MBNL1: variants seen among roughly 807,000 people sequenced by gnomAD.
The protein encoded by MBNL1 is muscleblind like splicing regulator 1.
In MBNL1, 8 loss-of-function variants were observed where a neutral mutation model predicts 42.2. The ratio of observed to expected loss-of-function variants is 0.19; its 90% CI spans 0.11 to 0.34. The LOEUF is 0.34. MBNL1 is among the 10% of genes least tolerant of loss of function. The pLI is 1.00. For synonymous variants in MBNL1, 169 were observed against 173.9 expected (o/e 0.97, Z 0.22); for missense variants, 309 against 495.3 (o/e 0.62, Z 3.57).
At chr3:152,361,664 G>C (rs1008661126) in intron 2 of MBNL1, among the ~76,000 whole-genome samples, 23 of 152,044 alleles carry the variant, frequency 1.5e-4, no homozygotes, top group Admixed American at 1.5e-3. Flanking sequence ...GAATGATTCA[G>C]ATGGATAATG....
intron 1 of MBNL1, among the ~76,000 whole-genome samples, chr3:152,274,270 ATAT>A (rs1244621357): frequency 6.6e-6 from 1 of 152,212 alleles, no homozygotes; most frequent in Non-Finnish European, 1.5e-5. Flanking sequence ...CTGACTTGAA[ATAT>A]TATTCTATCA....
At chr3:152,269,534 C>G (rs1181324054) in intron 1 of MBNL1, 1 of 455,496 alleles carries the variant, frequency 2.2e-6, no homozygotes, top group Non-Finnish European at 4.4e-6. Flanking sequence ...GCCATCCCGC[C>G]CGGTTTTCAT....
intron 2 of MBNL1, among the ~76,000 whole-genome samples, chr3:152,377,438 C>CCACT: frequency 6.6e-6 from 1 of 152,236 alleles, no homozygotes; most frequent in South Asian, 2.1e-4. Flanking sequence ...CAGCCATAGA[C>CCACT]CGTTAGTAAA....
intron 2 of MBNL1, among the ~76,000 whole-genome samples, chr3:152,257,487 A>G (rs2035613005): frequency 6.6e-6 from 1 of 151,934 alleles, no homozygotes; most frequent in African/African-American, 2.4e-5. Flanking sequence ...TTGGTGACCC[A>G]TCATGTTAGG....
At chr3:152,270,600 G>T (rs1442865671) in intron 1 of MBNL1, among the ~76,000 whole-genome samples, 2 of 152,206 alleles carry the variant, frequency 1.3e-5, no homozygotes, top group Non-Finnish European at 2.9e-5. Context: ...TCCCAGGAAT[G>T]TGCAGTTCAA....
intron 6 of MBNL1, among the ~76,000 whole-genome samples, chr3:152,451,027 G>A (rs929938190): frequency 6.6e-6 from 1 of 152,154 alleles, no homozygotes; most frequent in African/African-American, 2.4e-5. Context: ...CAAGGAATCC[G>A]ATCTGAACAC....
At chr3:152,365,967 A>G (rs557548170) in intron 2 of MBNL1, among the ~76,000 whole-genome samples, 2 of 152,170 alleles carry the variant, frequency 1.3e-5, no homozygotes, top group African/African-American at 2.4e-5. Flanking sequence ...TAGGACAAAC[A>G]TGTAAAAAGG....
intron 2 of MBNL1, among the ~76,000 whole-genome samples, chr3:152,331,137 G>C (rs896571493): frequency 6.7e-6 from 1 of 149,410 alleles, no homozygotes; most frequent in East Asian, 2.0e-4. Context: ...TTACTCCCTC[G>C]TTCCTGCTCT....
intron 4 of MBNL1, among the ~76,000 whole-genome samples, chr3:152,442,639 A>C (rs1171631909): frequency 6.8e-6 from 1 of 146,672 alleles, no homozygotes; most frequent in Non-Finnish European, 1.5e-5. Context: ...GTATCAGCAT[A>C]GTCTAAAGTG....
intron 3 of MBNL1, among the ~76,000 whole-genome samples, chr3:152,426,153 A>C (rs1311753194): frequency 6.7e-6 from 1 of 149,752 alleles, no homozygotes; most frequent in South Asian, 2.2e-4. Context: ...AGCAATGAGA[A>C]CATGTGGGCA....
intron 1 of MBNL1, among the ~76,000 whole-genome samples, chr3:152,281,389 G>C (rs1272427175): frequency 6.6e-6 from 1 of 152,064 alleles, no homozygotes; most frequent in Non-Finnish European, 1.5e-5. Flanking sequence ...GTTAATTCTG[G>C]AAAGACTCAG....
intron 2 of MBNL1, among the ~76,000 whole-genome samples, chr3:152,406,912 G>A (rs551253987): frequency 1.5e-4 from 23 of 152,190 alleles, no homozygotes; most frequent in South Asian, 2.1e-4. Context: ...GTTTAATGCC[G>A]TTAAAAAGAA....
intron 6 of MBNL1, among the ~76,000 whole-genome samples, chr3:152,454,303 G>A (rs913648430): frequency 3.3e-5 from 5 of 152,272 alleles, no homozygotes; most frequent in Middle Eastern, 6.8e-3. Flanking sequence ...TAAGTAATCC[G>A]TGTTTCAGCT....
Position 152,393,483 on chromosome 3 carries a change from T to C in MBNL1, c.175-21458T>C, listed in dbSNP as rs369768908. Among the ~76,000 whole-genome samples the C allele has an allele frequency of 6.1e-4, 93 of 152,346 alleles. No homozygotes were observed. The South Asian group carries it at 0.019, about 31-fold the overall frequency. Reference sequence around the variant, plus strand: ...TCTGGAACTGTACTGAAACACTGGGTGAGAAAGCCATTGACTTACCTTCTT... The same window carrying C: ...TCTGGAACTGTACTGAAACACTGGGCGAGAAAGCCATTGACTTACCTTCTT... On this transcript the variant is annotated intron_variant, in intron 2 of 9. Transcript: ENST00000324210.
chr3:152,248,412 T>G (rs1344166966), intron 2 of MBNL1, among the ~76,000 whole-genome samples: 1 of 152,042 alleles, frequency 6.6e-6, no homozygotes, highest in Non-Finnish European at 1.5e-5. Context: ...AAAAGTATAA[T>G]GAACCCCTTA....
chr3:152,286,727 A>G (rs989549513), intron 1 of MBNL1, among the ~76,000 whole-genome samples: 1 of 151,870 alleles, frequency 6.6e-6, no homozygotes, highest in Non-Finnish European at 1.5e-5. Context: ...GTGTGATTTT[A>G]TATGATAGTT....
chr3:152,327,563 G>A (rs1208617386), intron 2 of MBNL1, among the ~76,000 whole-genome samples: 10 of 152,004 alleles, frequency 6.6e-5, no homozygotes, highest in Admixed American at 5.9e-4. Flanking sequence ...TGGCCAGGCT[G>A]GTCTCAAACT....
At chr3:152,291,101 T>C (rs998691165) in intron 1 of MBNL1, among the ~76,000 whole-genome samples, 12 of 152,170 alleles carry the variant, frequency 7.9e-5, no homozygotes, top group African/African-American at 2.7e-4. Context: ...GTGTAATATA[T>C]AGGTAAATAA....
intron 1 of MBNL1, among the ~76,000 whole-genome samples, chr3:152,286,524 A>T (rs1276168666): frequency 7.0e-6 from 1 of 143,596 alleles, no homozygotes; most frequent in Non-Finnish European, 1.5e-5. Context: ...TTTATTTATA[A>T]TATAAATATA....
Sources: allele counts gnomAD v4.1 joint callset (sites outside exome capture counted in the v4.1 genomes callset), GRCh38; gene constraint gnomAD v4.1.1; transcripts MANE v1.5; gene names NCBI Gene and HGNC (gene_info 2026-07-23, HGNC 2026-07-21).